Variants in CSMD1 observed in about 807,000 individuals in gnomAD.
CSMD1 encodes CUB and Sushi multiple domains 1, also known as CUB and sushi domain-containing protein 1.
A neutral mutation model predicts 417.5 loss-of-function variants in CSMD1; 213 were observed. The ratio of observed to expected loss-of-function variants is 0.51; its 90% CI spans 0.46 to 0.57. The LOEUF (loss-of-function observed/expected upper bound fraction) is 0.57. Ranked by LOEUF, CSMD1 falls within the 20% of genes least tolerant of loss-of-function variation. CSMD1 has a pLI of 0.00. For missense variants in CSMD1, 6,923 were observed against 4,529.7 expected, an observed-to-expected ratio of 1.53 and a Z score of -15.17; for synonymous variants, 2,862 against 1,736.8, an observed-to-expected ratio of 1.65 and a Z score of -16.11.
intron 6 of CSMD1, among the ~76,000 whole-genome samples, chr8:3,730,650 G>C (rs1276078487): frequency 6.6e-6 from 1 of 152,100 alleles, no homozygotes; most frequent in African/African-American, 2.4e-5. Flanking sequence ...CATTTCTTCT[G>C]ACAGATTGAC....
chr8:3,556,287 C>A (rs2116818755), intron 10 of CSMD1, among the ~76,000 whole-genome samples: 1 of 150,694 alleles, frequency 6.6e-6, no homozygotes, highest in African/African-American at 2.4e-5. Context: ...CTACAACCCC[C>A]ACTACCCTTC....
intron 10 of CSMD1, among the ~76,000 whole-genome samples, chr8:3,496,154 C>A (rs189229155): frequency 6.6e-6 from 1 of 152,122 alleles, no homozygotes; most frequent in Non-Finnish European, 1.5e-5. Flanking sequence ...TGAGAACATG[C>A]GGTGTTTGGT....
intron 1 of CSMD1, among the ~76,000 whole-genome samples, chr8:4,860,031 C>T (rs1333717214): frequency 5.9e-5 from 9 of 151,890 alleles, no homozygotes; most frequent in Non-Finnish European, 1.0e-4. Flanking sequence ...CAATGATAGA[C>T]TGGATTAAGA....
chr8:3,607,373 T>C (rs989305437), intron 8 of CSMD1, among the ~76,000 whole-genome samples: 2 of 152,216 alleles, frequency 1.3e-5, no homozygotes, highest in Non-Finnish European at 2.9e-5. Flanking sequence ...CAGTTAACTT[T>C]TGTGTTTTTT....
chr8:4,031,136 C>G (rs893553257), intron 4 of CSMD1, among the ~76,000 whole-genome samples: 1 of 152,210 alleles, frequency 6.6e-6, no homozygotes, highest in Non-Finnish European at 1.5e-5. Context: ...CTGTTCTAAA[C>G]TCTGCCTGTT....
intron 26 of CSMD1, among the ~76,000 whole-genome samples, chr8:3,277,154 G>A (rs1231999928): frequency 6.6e-6 from 1 of 152,140 alleles, no homozygotes; most frequent in Non-Finnish European, 1.5e-5. Flanking sequence ...CTTTGCCAGA[G>A]TGGAGGATGG....
chr8:3,852,272 T>C lies in CSMD1; in HGVS notation c.819-98230A>G, dbSNP rs566249806. On this transcript the variant is annotated intron_variant, in intron 5 of 69. Coordinates refer to ENST00000635120, the MANE Select transcript of CSMD1 (RefSeq NM_033225.6). ...GAGGTGGTAACCATCCTGTAGGCAG[T>C]GGATGCAGCGAACTCCTGCCCCAGA... is the stretch of plus-strand genomic sequence containing the variant. Among the ~76,000 whole-genome samples, 6 of 152,194 alleles carry C rather than the reference T, an allele frequency of 3.9e-5. No individual in the cohort carries two copies. In the East Asian group the frequency reaches 1.2e-3, roughly 29 times the overall value.
At chr8:4,101,621 T>G (rs759429296) in intron 3 of CSMD1, among the ~76,000 whole-genome samples, 4 of 152,222 alleles carry the variant, frequency 2.6e-5, no homozygotes, top group Non-Finnish European at 5.9e-5. Flanking sequence ...GAGGACCTTC[T>G]GAAGTACCTT....
intron 5 of CSMD1, among the ~76,000 whole-genome samples, chr8:3,782,642 T>A (rs2129063448): frequency 6.6e-6 from 1 of 152,316 alleles, no homozygotes; most frequent in South Asian, 2.1e-4. Flanking sequence ...ACTTAAAGTG[T>A]AATTTAAAAA....
chr8:4,792,578 G>A (rs1488389503), intron 1 of CSMD1, among the ~76,000 whole-genome samples: 3 of 152,148 alleles, frequency 2.0e-5, no homozygotes, highest in East Asian at 1.9e-4. Context: ...TTGTCAGCAC[G>A]TCCATGCAAG....
In CSMD1 at chr8:4,034,651, G is replaced by A. The variant is rs140284876; in HGVS notation, c.416-2552C>T. Among the ~76,000 whole-genome samples the A allele has an allele frequency of 6.9e-3, 1,051 of 152,212 alleles. 10 individuals are homozygous for A. The highest frequency in any genetic ancestry group is 0.016 in the African/African-American group (672 of 41,526). ...CAAAGACACACGTTGTATAGCCACCGTAAATGTGAAGAGTGAGAAAGGGAG... is the reference window on the plus strand; with the variant it reads ...CAAAGACACACGTTGTATAGCCACCATAAATGTGAAGAGTGAGAAAGGGAG... On this transcript the variant is annotated intron_variant, in intron 3 of 69. Coordinates refer to ENST00000635120, the MANE Select transcript of CSMD1 (RefSeq NM_033225.6).
Position 4,079,852 on chromosome 8 carries a change from C to G in CSMD1, c.416-47753G>C, listed in dbSNP as rs188015655. Among the ~76,000 whole-genome samples, 353 of 152,276 alleles carry G rather than the reference C, an allele frequency of 2.3e-3. 3 individuals are homozygous for G. The highest frequency in any genetic ancestry group is 8.0e-3 in the African/African-American group (334 of 41,562). On this transcript the variant is annotated intron_variant, in intron 3 of 69. Transcript: ENST00000635120. Reference sequence around the variant, plus strand: ...AGTAGCCAGGGATAATGGAATGTTTCTAATGACCCTTTGAATACCATCTTC... The same window carrying G: ...AGTAGCCAGGGATAATGGAATGTTTGTAATGACCCTTTGAATACCATCTTC...
intron 1 of CSMD1, among the ~76,000 whole-genome samples, chr8:4,806,763 T>G (rs17071435): frequency 0.069 from 10,531 of 152,200 alleles, 589 homozygotes; most frequent in East Asian, 0.24. Flanking sequence ...ACCACCCATT[T>G]GATCACAAAA....
chr8:3,290,162 C>T (rs920572356), intron 25 of CSMD1, among the ~76,000 whole-genome samples: 4 of 146,800 alleles, frequency 2.7e-5, no homozygotes, highest in African/African-American at 5.5e-5. Context: ...TTTCTGAGGG[C>T]TCTGTTCTGT....
At position 4,994,371 on chromosome 8, in the gene CSMD1, G is replaced by C. The variant is rs1195032152; in HGVS notation, c.46C>G (p.Leu16Val). The change falls in exon 1 of 70, where the codon CTG becomes GTG. Residue 16 changes from leucine (L) to valine (V), a missense_variant. Transcript: ENST00000635120. ...AGGAGCCTCGCGCACAGCACCAGCA[G>C]CCCGAGAAGCAGGAGCAGCGACTGG... ...RFQSLLLLLG[L>V]LVLCARLLTA... is the part of the protein sequence containing the mutation. 2 of 1,612,054 alleles carry C rather than the reference G, an allele frequency of 1.2e-6. No homozygotes were observed. Among genetic ancestry groups the C allele is most frequent in the African/African-American group, 1.3e-5 (1 of 75,062 alleles).
At chr8:3,956,513 C>G (rs148123150) in intron 5 of CSMD1, among the ~76,000 whole-genome samples, 336 of 152,286 alleles carry the variant, frequency 2.2e-3, no homozygotes, top group African/African-American at 7.8e-3. Flanking sequence ...ATAAAGAGGA[C>G]AGGTGGAAAC....
At chr8:4,790,855 C>T (rs907645900) in intron 1 of CSMD1, among the ~76,000 whole-genome samples, 5 of 152,070 alleles carry the variant, frequency 3.3e-5, no homozygotes, top group African/African-American at 4.8e-5. Flanking sequence ...AAGACTTAAA[C>T]GGAAAACCTA....
intron 4 of CSMD1, among the ~76,000 whole-genome samples, chr8:4,005,597 G>C (rs1042573982): frequency 4.6e-5 from 7 of 152,132 alleles, no homozygotes; most frequent in Non-Finnish European, 1.0e-4. Flanking sequence ...GGTATTATAA[G>C]GTTTGCAGTC....
intron 23 of CSMD1, among the ~76,000 whole-genome samples, chr8:3,313,492 C>T (rs1193791827): frequency 6.6e-6 from 1 of 152,130 alleles, no homozygotes; most frequent in Non-Finnish European, 1.5e-5. Context: ...ATTTATGCAG[C>T]CAAAAGACAC....
Sources: gnomAD v4.1 joint callset for allele counts (sites outside exome capture counted in the v4.1 genomes callset) on GRCh38, gnomAD v4.1.1 for gene constraint, MANE v1.5 for transcripts, NCBI Gene and HGNC (gene_info 2026-07-23, HGNC 2026-07-21) for gene names.